The following AKR1B15 variants were observed in gnomAD, a reference collection of about 807,000 sequenced individuals.
AKR1B15 encodes estradiol 17-beta-dehydrogenase AKR1B15.
A neutral mutation model predicts 38.5 loss-of-function variants in AKR1B15; 49 were observed. That is an observed-to-expected ratio of 1.27 (90% CI 1.01 to 1.62). AKR1B15 has a LOEUF of 1.62. AKR1B15 is among the 40% of genes most tolerant of loss of function. The pLI is 0.00. For synonymous variants in AKR1B15, 137 were observed against 135.5 expected (o/e 1.01, Z -0.08); for missense variants, 411 against 381.6 (o/e 1.08, Z -0.64).
rs573040804 is a variant in AKR1B15, at chr7:134,575,915, C to T, written c.731C>T (p.Pro244Leu). 1.2e-4 allele frequency: 194 copies of T among 1,613,360 alleles called. No homozygotes were observed. The highest frequency in any genetic ancestry group is 9.9e-4 in the South Asian group (90 of 91,006). The change falls in exon 8 of 12, where the codon CCG (proline) becomes CTG (leucine). Residue 244 changes from proline (P) to leucine (L), a missense_variant. Around this residue, in one of 3 missense-constraint regions of AKR1B15, gnomAD observed 24 missense variants for 48.9 expected, o/e 0.49. Transcript: ENST00000457545. ...ACGGCCTACAGCCCCCTGGGCTCTC[C>T]GGATAGACCTTGGTGAGGCTTCCAA... ...TVTAYSPLGS[P>L]DRPWAKPEDP...
At chr7:134,573,642 A>G (rs1462966812) in intron 6 of AKR1B15, 2 of 721,186 alleles carry the variant, frequency 2.8e-6, no homozygotes, top group Non-Finnish European at 3.4e-6. Flanking sequence ...TCAAGTTTTA[A>G]TACGGGAAAA....
In AKR1B15 at chr7:134,564,745, GC is replaced by G. The variant is rs1235043443; in HGVS notation, c.130del (p.Leu44PhefsTer13). 22 of 688,660 alleles carry G rather than the reference GC, an allele frequency of 3.2e-5. No individual in the cohort carries two copies. Among genetic ancestry groups the G allele is most frequent in the Non-Finnish European group, 5.0e-5 (19 of 379,208 alleles). 42.7% of individuals were successfully genotyped at this position (688,660 alleles called of 1,614,324 possible). ...SLLKDTTSAG[P>X]LLRPYPASLL... Reference sequence around the variant, plus strand: ...TTCTGAAGGACACTACAAGTGCAGGGCCCCTTCTTCGCCCCTATCCAGCAGT... The same window carrying G: ...TTCTGAAGGACACTACAAGTGCAGGGCCCTTCTTCGCCCCTATCCAGCAGT... On this transcript the variant is annotated frameshift_variant, in exon 3 of 12. Coordinates refer to ENST00000457545, the MANE Select transcript of AKR1B15 (RefSeq NM_001080538.3). LOFTEE classifies it high-confidence loss of function.
chr7:134,568,436 T>A, intron 4 of AKR1B15, 111 bp downstream of exon 4: 1 of 1,452,152 alleles, frequency 6.9e-7, no homozygotes, highest in Non-Finnish European at 9.4e-7. Flanking sequence ...CCCGTTTTCA[T>A]CTCTGCCTTG....
At chr7:134,573,646 G>A (rs1037880468) in intron 6 of AKR1B15, 32 of 647,248 alleles carry the variant, frequency 4.9e-5, no homozygotes, top group Middle Eastern at 7.6e-4. Context: ...GTTTTAATAC[G>A]GGAAAACTAA....
intron 10 of AKR1B15, among the ~76,000 whole-genome samples, 171 bp downstream of exon 10, chr7:134,577,217 C>T (rs1794784927): frequency 6.6e-6 from 1 of 152,218 alleles, no homozygotes; most frequent in Non-Finnish European, 1.5e-5. Flanking sequence ...AGATGAATGA[C>T]CCATGGGCTA....
intron 9 of AKR1B15, 117 bp from the exon 10 acceptor site, chr7:134,576,846 A>G: frequency 1.0e-6 from 1 of 952,442 alleles, no homozygotes; most frequent in Non-Finnish European, 1.7e-6. Flanking sequence ...GGGCTCAGTA[A>G]TTATTAGCGA....
chr7:134,549,851 C>T (rs892622718), intron 1 of AKR1B15, among the ~76,000 whole-genome samples: 3 of 152,192 alleles, frequency 2.0e-5, no homozygotes, highest in Non-Finnish European at 4.4e-5. Context: ...CCCAAAATGA[C>T]TGGGCAAGGA....
Position 134,551,769 on chromosome 7 carries a change from A to G in AKR1B15, c.-147+2520A>G, listed in dbSNP as rs1041643615. 3.3e-5 allele frequency among the ~76,000 whole-genome samples: 5 copies of G among 152,202 alleles called. No individual in the cohort carries two copies. The South Asian group carries it at 1.0e-3, about 32-fold the overall frequency. ...CCAGGAAGGCCAGAAACGTGAGAGG[A>G]CTCCCCTATAAAGAAACCAATGTGC... is the stretch of plus-strand genomic sequence containing the variant. On this transcript the variant is annotated intron_variant, in intron 1 of 11. Coordinates refer to ENST00000457545, the MANE Select transcript of AKR1B15 (RefSeq NM_001080538.3).
chr7:134,579,005 G>T (rs1794822098), intron 11 of AKR1B15, among the ~76,000 whole-genome samples: 1 of 152,184 alleles, frequency 6.6e-6, no homozygotes, highest in Admixed American at 6.5e-5. Flanking sequence ...TCTTCGCTGT[G>T]TGACATTGGG....
intron 5 of AKR1B15, 166 bp downstream of exon 5, chr7:134,569,695 C>T: frequency 1.6e-6 from 1 of 623,862 alleles, no homozygotes; most frequent in African/African-American, 1.8e-5. Context: ...TTTCTTACGC[C>T]TGTCTTTACT....
chr7:134,551,980 G>A (rs867032534), intron 1 of AKR1B15, among the ~76,000 whole-genome samples: 16 of 152,130 alleles, frequency 1.1e-4, no homozygotes, highest in Admixed American at 4.6e-4. Flanking sequence ...CAGCCTGTAC[G>A]CTTCCTAATT....
chr7:134,559,949 A>C (rs1422853861), intron 2 of AKR1B15, among the ~76,000 whole-genome samples: 1 of 152,072 alleles, frequency 6.6e-6, no homozygotes, highest in Admixed American at 6.5e-5. Flanking sequence ...CTCTAACAAA[A>C]ACACAATAAT....
chr7:134,555,447 T>A (rs903609433), intron 1 of AKR1B15, among the ~76,000 whole-genome samples: 2 of 151,968 alleles, frequency 1.3e-5, no homozygotes, highest in African/African-American at 2.4e-5. Flanking sequence ...AAAAAATGGG[T>A]CCCCAAGCCT....
chr7:134,551,510 A>G (rs1353374827), intron 1 of AKR1B15, among the ~76,000 whole-genome samples: 1 of 152,224 alleles, frequency 6.6e-6, no homozygotes, highest in African/African-American at 2.4e-5. Context: ...GAGAGGGACC[A>G]TATCTGAAGA....
chr7:134,562,870 CTTTCTTTCTTTCTTTCTTTCCTTCTTT>C (rs1562947053), intron 2 of AKR1B15, among the ~76,000 whole-genome samples: 115 of 141,944 alleles, frequency 8.1e-4, no homozygotes, highest in African/African-American at 3.1e-3. Flanking sequence ...TTCTTTCTTT[CTTTCTTTCTTTCTTTCTTTCCTTCTTT>C]CTTCCTTCCT....
intron 6 of AKR1B15, chr7:134,573,649 A>G (rs1562951456): frequency 6.7e-6 from 4 of 596,376 alleles, no homozygotes; most frequent in African/African-American, 2.0e-5. Context: ...TTAATACGGG[A>G]AAACTAACCT....
intron 3 of AKR1B15, chr7:134,565,421 C>G (rs1794510002): frequency 6.2e-7 from 1 of 1,611,012 alleles, no homozygotes; most frequent in South Asian, 1.1e-5. Flanking sequence ...GGAACCAACT[C>G]TGGACACAGC....
intron 3 of AKR1B15, 100 bp downstream of exon 3, chr7:134,564,869 C>T: frequency 1.9e-6 from 1 of 522,346 alleles, no homozygotes; most frequent in Non-Finnish European, 3.4e-6. Flanking sequence ...CTTCCTGGGT[C>T]AAGTGGGGAC....
At chr7:134,562,576 A>G (rs909457536) in intron 2 of AKR1B15, among the ~76,000 whole-genome samples, 5 of 152,120 alleles carry the variant, frequency 3.3e-5, no homozygotes, top group African/African-American at 1.2e-4. Flanking sequence ...CTAGCTAGCC[A>G]CAGAGCACTG....
Sources: gnomAD v4.1 joint callset for allele counts (sites outside exome capture counted in the v4.1 genomes callset) on GRCh38, gnomAD v4.1.1 for gene constraint, gnomAD v4.1.1 regional missense constraint, MANE v1.5 for transcripts, NCBI Gene and HGNC (gene_info 2026-07-23, HGNC 2026-07-21) for gene names.